The following MYO1E variants were observed in gnomAD, a reference collection of about 807,000 sequenced individuals.
The protein encoded by MYO1E is myosin IE, also known as unconventional myosin-Ie.
A neutral mutation model predicts 151.1 loss-of-function variants in MYO1E; 68 were observed. The ratio of observed to expected loss-of-function variants is 0.45; its 90% CI spans 0.37 to 0.55. The LOEUF (loss-of-function observed/expected upper bound fraction) is 0.55, where lower values mean the gene tolerates loss of function less well. MYO1E is among the 20% of genes least tolerant of loss of function. The probability of loss-of-function intolerance (pLI) is 0.00; values close to 1 mark genes in which losing one functional copy is unlikely to be tolerated. For synonymous variants in MYO1E, 601 were observed against 501.7 expected (o/e 1.20, Z -2.64); for missense variants, 1,363 against 1,389.3 (o/e 0.98, Z 0.30).
chr15:59,227,711 C>A (rs1402532583), intron 6 of MYO1E, 121 bp from the exon 7 acceptor site: 3 of 1,347,690 alleles, frequency 2.2e-6, no homozygotes, highest in East Asian at 4.7e-5. Context: ...TTCTGAATTA[C>A]TCCTAATTTG....
intron 1 of MYO1E, among the ~76,000 whole-genome samples, chr15:59,371,620 C>T (rs1351427976): frequency 6.6e-6 from 1 of 152,152 alleles, no homozygotes; most frequent in African/African-American, 2.4e-5. Context: ...GAGGCGGCCC[C>T]TTCCACACAT....
At chr15:59,154,772 C>G (rs975825893) in intron 25 of MYO1E, among the ~76,000 whole-genome samples, 2 of 152,194 alleles carry the variant, frequency 1.3e-5, no homozygotes, top group Non-Finnish European at 2.9e-5. Flanking sequence ...GGTCCAGAAT[C>G]TGCTTGGTGG....
chr15:59,278,590 A>G (rs1249446009), intron 1 of MYO1E, among the ~76,000 whole-genome samples: 1 of 152,198 alleles, frequency 6.6e-6, no homozygotes, highest in African/African-American at 2.4e-5. Context: ...TTGGGCTTGC[A>G]CTTTATTTCA....
intron 3 of MYO1E, among the ~76,000 whole-genome samples, chr15:59,257,998 C>T (rs1329925132): frequency 1.3e-5 from 2 of 152,126 alleles, no homozygotes; most frequent in Non-Finnish European, 2.9e-5. Flanking sequence ...CACAGAGCCT[C>T]CAGTGCTGCC....
At chr15:59,156,478 C>A (rs1036444588) in intron 25 of MYO1E, among the ~76,000 whole-genome samples, 2 of 152,190 alleles carry the variant, frequency 1.3e-5, no homozygotes, top group African/African-American at 2.4e-5. Flanking sequence ...AGCCACTGCG[C>A]CTGGCTGCAG....
intron 4 of MYO1E, among the ~76,000 whole-genome samples, chr15:59,247,002 C>A (rs1278758007): frequency 6.6e-6 from 1 of 152,150 alleles, no homozygotes; most frequent in Non-Finnish European, 1.5e-5. Flanking sequence ...CTGAGTCCAG[C>A]CTGGGCAACA....
intron 1 of MYO1E, among the ~76,000 whole-genome samples, chr15:59,283,701 G>A (rs2080370562): frequency 6.6e-6 from 1 of 152,186 alleles, no homozygotes; most frequent in Admixed American, 6.5e-5. Flanking sequence ...CACGAGGCAG[G>A]AAACTGAGTG....
intron 1 of MYO1E, among the ~76,000 whole-genome samples, chr15:59,280,671 T>TA (rs1162553559): frequency 6.6e-6 from 1 of 152,068 alleles, no homozygotes; most frequent in Non-Finnish European, 1.5e-5. Flanking sequence ...TGTTATAGCT[T>TA]AACTGGCAGT....
chr15:59,214,516 T>C, intron 11 of MYO1E, 124 bp downstream of exon 11: 9 of 1,056,592 alleles, frequency 8.5e-6, no homozygotes, highest in Non-Finnish European at 1.3e-5. Flanking sequence ...GAGCCTGAGT[T>C]GTTTTTTTTG....
intron 1 of MYO1E, among the ~76,000 whole-genome samples, chr15:59,309,506 C>G (rs1335160145): frequency 2.0e-5 from 3 of 152,214 alleles, no homozygotes; most frequent in Admixed American, 6.5e-5. Context: ...GATGGTGATG[C>G]CATGACCTGC....
intron 1 of MYO1E, among the ~76,000 whole-genome samples, chr15:59,312,677 T>C (rs1455434668): frequency 6.6e-6 from 1 of 151,890 alleles, no homozygotes; most frequent in African/African-American, 2.4e-5. Flanking sequence ...GTTCACAAAA[T>C]GGGGCCCCCA....
intron 1 of MYO1E, among the ~76,000 whole-genome samples, chr15:59,358,794 T>C (rs959259073): frequency 2.0e-4 from 30 of 152,232 alleles, no homozygotes; most frequent in African/African-American, 7.2e-4. Context: ...ACCTCTCTTC[T>C]AATACACCAT....
At chr15:59,302,254 C>G (rs904171943) in intron 1 of MYO1E, among the ~76,000 whole-genome samples, 1 of 152,142 alleles carries the variant, frequency 6.6e-6, no homozygotes, top group African/African-American at 2.4e-5. Flanking sequence ...GTCCAATTAA[C>G]GAAGGCACTG....
intron 1 of MYO1E, among the ~76,000 whole-genome samples, chr15:59,346,312 C>T (rs2080793836): frequency 6.6e-6 from 1 of 152,166 alleles, no homozygotes; most frequent in South Asian, 2.1e-4. Context: ...CTTCTGCAAC[C>T]CTGCCAAAGA....
intron 7 of MYO1E, 63 bp downstream of exon 7, chr15:59,227,396 T>G: frequency 1.3e-6 from 2 of 1,599,512 alleles, no homozygotes; most frequent in Non-Finnish European, 1.7e-6. Flanking sequence ...GCCTGAAGTC[T>G]GAGAAATATT....
At position 59,224,690 on chromosome 15, in the gene MYO1E, A is replaced by C; in HGVS notation, c.776T>G (p.Leu259Arg). Reference sequence around the variant, plus strand: ...GCCTGGCCCTGCGCCAGCACTTACCAGAGTTTCCTGAAACTCCCGCCTGTC... The same window carrying C: ...GCCTGGCCCTGCGCCAGCACTTACCCGAGTTTCCTGAAACTCCCGCCTGTC... ...IDDRREFQET[L>R]HAMNVIGIFA... Residue 259 changes from leucine to arginine, a missense_variant and splice_region_variant, in exon 8 of 28, where the codon CTG (leucine) becomes CGG (arginine). Leu to Arg is a moderately radical substitution (Grantham distance 102, BLOSUM62 -2). Coordinates refer to ENST00000288235, the MANE Select transcript of MYO1E (RefSeq NM_004998.4). 1 of 1,614,186 alleles carries C rather than the reference A, an allele frequency of 6.2e-7. No homozygotes were observed. Among genetic ancestry groups the C allele is most frequent in the Admixed American group, 1.7e-5 (1 of 60,026 alleles).
chr15:59,184,940 G>A (rs1346943341), intron 18 of MYO1E, among the ~76,000 whole-genome samples: 1 of 152,010 alleles, frequency 6.6e-6, no homozygotes, highest in Non-Finnish European at 1.5e-5. Flanking sequence ...CCACATTCTC[G>A]CCAGCATTTG....
intron 4 of MYO1E, among the ~76,000 whole-genome samples, chr15:59,244,656 A>G (rs1171976647): frequency 6.6e-6 from 1 of 152,170 alleles, no homozygotes; most frequent in African/African-American, 2.4e-5. Context: ...GCTGTATCGG[A>G]GGCGGGCAGC....
intron 26 of MYO1E, among the ~76,000 whole-genome samples, chr15:59,152,268 T>C (rs2079485950): frequency 6.6e-6 from 1 of 152,182 alleles, no homozygotes; most frequent in African/African-American, 2.4e-5. Flanking sequence ...GGTAGATGGA[T>C]GGCTGCCCCC....
Sources: allele counts gnomAD v4.1 joint callset (sites outside exome capture counted in the v4.1 genomes callset), GRCh38; gene constraint gnomAD v4.1.1; transcripts MANE v1.5; gene names NCBI Gene and HGNC (gene_info 2026-07-23, HGNC 2026-07-21).